Variants in ITPRID1 observed in about 807,000 individuals in gnomAD.
The protein encoded by ITPRID1 is ITPR interacting domain containing 1.
Under a neutral mutation model 95.4 loss-of-function variants are expected in ITPRID1, and 96 were observed. The ratio of observed to expected loss-of-function variants is 1.01; its 90% CI spans 0.85 to 1.19. The LOEUF is 1.19. Ranked by LOEUF, ITPRID1 falls within the 50% of genes most tolerant of loss-of-function variation. The pLI is 0.00. For synonymous variants in ITPRID1, 510 were observed against 453.6 expected (o/e 1.12, Z -1.58); for missense variants, 1,339 against 1,252.9 (o/e 1.07, Z -1.04).
chr7:31,584,536 CA>C (rs147257514), intron 10 of ITPRID1, among the ~76,000 whole-genome samples: 1 of 152,024 alleles, frequency 6.6e-6, no homozygotes, highest in Non-Finnish European at 1.5e-5. Flanking sequence ...CCAATCATTC[CA>C]AAAAATTATT....
At chr7:31,540,678 G>C (rs1338604375) in intron 1 of ITPRID1, among the ~76,000 whole-genome samples, 2 of 152,204 alleles carry the variant, frequency 1.3e-5, no homozygotes, top group Non-Finnish European at 2.9e-5. Flanking sequence ...CTTTGTTCCA[G>C]AGAAGGAATC....
intron 10 of ITPRID1, among the ~76,000 whole-genome samples, chr7:31,614,772 C>T (rs975068745): frequency 2.0e-5 from 3 of 152,120 alleles, no homozygotes; most frequent in African/African-American, 7.2e-5. Context: ...GAGCATTGAA[C>T]ATCATTGTCA....
intron 10 of ITPRID1, among the ~76,000 whole-genome samples, chr7:31,609,563 C>T (rs1786775492): frequency 2.0e-5 from 3 of 151,542 alleles, no homozygotes; most frequent in Admixed American, 1.3e-4. Context: ...GTATCCATCT[C>T]ACCAGAGTCA....
chr7:31,555,003 C>T, intron 5 of ITPRID1, 102 bp downstream of exon 5: 2 of 890,494 alleles, frequency 2.2e-6, no homozygotes, highest in East Asian at 5.4e-5. Context: ...TCAGAGGCTT[C>T]TAGAAATGAT....
At chr7:31,525,514 G>A (rs1413716128) in intron 1 of ITPRID1, among the ~76,000 whole-genome samples, 2 of 152,198 alleles carry the variant, frequency 1.3e-5, no homozygotes, top group Non-Finnish European at 2.9e-5. Flanking sequence ...TGTGGTAAAT[G>A]TTCTGGAACA....
At chr7:31,638,672 C>T (rs1234392171) in intron 10 of ITPRID1, among the ~76,000 whole-genome samples, 1 of 152,146 alleles carries the variant, frequency 6.6e-6, no homozygotes. Flanking sequence ...AATCTGCCAT[C>T]CTTATCTTTG....
chr7:31,554,818 C>T (rs1719161725), intron 4 of ITPRID1, 40 bp from the exon 5 acceptor site: 3 of 1,470,754 alleles, frequency 2.0e-6, no homozygotes, highest in Non-Finnish European at 1.9e-6. Flanking sequence ...AATTTATTTA[C>T]ACACATTGTT....
intron 10 of ITPRID1, among the ~76,000 whole-genome samples, chr7:31,605,191 T>G (rs750305115): frequency 6.8e-6 from 1 of 146,024 alleles, no homozygotes; most frequent in African/African-American, 2.5e-5. Flanking sequence ...TCTGGAGAGG[T>G]GATTATGGTA....
intron 12 of ITPRID1, among the ~76,000 whole-genome samples, chr7:31,649,519 A>G (rs533247718): frequency 6.6e-6 from 1 of 152,346 alleles, no homozygotes; most frequent in African/African-American, 2.4e-5. Context: ...TTTTAGCTAG[A>G]CACATGGATG....
At chr7:31,544,085 G>A (rs139263923) in intron 1 of ITPRID1, among the ~76,000 whole-genome samples, 1 of 152,106 alleles carries the variant, frequency 6.6e-6, no homozygotes, top group African/African-American at 2.4e-5. Context: ...TCTCTATTGT[G>A]TTCTATTGTT....
intron 12 of ITPRID1, among the ~76,000 whole-genome samples, 190 bp downstream of exon 12, chr7:31,644,143 A>C (rs896821063): frequency 1.6e-4 from 25 of 152,236 alleles, no homozygotes; most frequent in Admixed American, 2.6e-4. Context: ...CGATACTTCC[A>C]ATCAATCACC....
At chr7:31,615,046 A>G (rs1159295765) in intron 10 of ITPRID1, among the ~76,000 whole-genome samples, 1 of 152,150 alleles carries the variant, frequency 6.6e-6, no homozygotes, top group Non-Finnish European at 1.5e-5. Context: ...GTTTAATTTT[A>G]TAGTAATTTT....
At chr7:31,607,754 A>G (rs537909245) in intron 10 of ITPRID1, among the ~76,000 whole-genome samples, 1 of 145,782 alleles carries the variant, frequency 6.9e-6, no homozygotes, top group Non-Finnish European at 1.5e-5. Context: ...AAAATCTACA[A>G]TGTGAATACT....
At chr7:31,657,867 A>T (rs531228993), downstream of ITPRID1, among the ~76,000 whole-genome samples, 1 of 152,220 alleles carries the variant, frequency 6.6e-6, no homozygotes, top group Non-Finnish European at 1.5e-5. Context: ...GAAAAAAAAG[A>T]AAAAGTAAAA....
chr7:31,559,507 A>G (rs1347166704), intron 5 of ITPRID1, among the ~76,000 whole-genome samples: 1 of 151,514 alleles, frequency 6.6e-6, no homozygotes, highest in East Asian at 1.9e-4. Flanking sequence ...CTAAAAATAC[A>G]AAAAAAAATT....
At chr7:31,594,492 G>A (rs991879728) in intron 10 of ITPRID1, among the ~76,000 whole-genome samples, 2 of 152,152 alleles carry the variant, frequency 1.3e-5, no homozygotes, top group African/African-American at 4.8e-5. Flanking sequence ...GTTACCATGT[G>A]CATATGTTAT....
intron 12 of ITPRID1, among the ~76,000 whole-genome samples, chr7:31,650,650 C>A (rs1790865454): frequency 6.6e-6 from 1 of 152,134 alleles, no homozygotes; most frequent in South Asian, 2.1e-4. Flanking sequence ...AGGACTGTGA[C>A]TAAGCAGGAC....
chr7:31,535,100 T>C (rs1490578774), intron 1 of ITPRID1, among the ~76,000 whole-genome samples: 2 of 152,122 alleles, frequency 1.3e-5, no homozygotes, highest in Non-Finnish European at 1.5e-5. Context: ...GAACTGAATA[T>C]TTAATTTTAT....
chr7:31,599,889 G>A (rs1175910887), intron 10 of ITPRID1, among the ~76,000 whole-genome samples: 7 of 151,750 alleles, frequency 4.6e-5, no homozygotes, highest in African/African-American at 1.5e-4. Flanking sequence ...TAGTGGAGAC[G>A]GGGTTTCACT....
Sources: gnomAD v4.1 joint callset for allele counts (sites outside exome capture counted in the v4.1 genomes callset) on GRCh38, gnomAD v4.1.1 for gene constraint, MANE v1.5 for transcripts, NCBI Gene and HGNC (gene_info 2026-07-23, HGNC 2026-07-21) for gene names.